Variants in RPS6KA5 observed in about 807,000 individuals in gnomAD.
RPS6KA5 encodes the protein ribosomal protein S6 kinase A5.
A neutral mutation model predicts 85.5 loss-of-function variants in RPS6KA5; 27 were observed. That is an observed-to-expected ratio of 0.32 (90% CI 0.23 to 0.44). The LOEUF (loss-of-function observed/expected upper bound fraction) is 0.44, where lower values mean the gene tolerates loss of function less well. RPS6KA5 is among the 20% of genes least tolerant of loss of function. The pLI is 1.00. For missense variants in RPS6KA5, 811 were observed against 980.9 expected (o/e 0.83, Z 2.31); for synonymous variants, 334 against 348.2 (o/e 0.96, Z 0.46).
At chr14:91,003,725 T>C (rs903747465) in intron 1 of RPS6KA5, among the ~76,000 whole-genome samples, 3 of 152,220 alleles carry the variant, frequency 2.0e-5, no homozygotes, top group Admixed American at 2.0e-4. Flanking sequence ...AGGTGGCTGG[T>C]AGGTAAGGCA....
intron 3 of RPS6KA5, among the ~76,000 whole-genome samples, chr14:90,951,287 T>G (rs2038170812): frequency 6.6e-6 from 1 of 151,564 alleles, no homozygotes. Flanking sequence ...ATCGAGACCA[T>G]CCTGGCTAAC....
intron 7 of RPS6KA5, among the ~76,000 whole-genome samples, chr14:90,912,519 T>C (rs2035882684): frequency 6.6e-6 from 1 of 152,226 alleles, no homozygotes; most frequent in Non-Finnish European, 1.5e-5. Context: ...ATGCTACCAC[T>C]TATTTTTCAG....
At position 90,998,007 on chromosome 14, in the gene RPS6KA5, G is replaced by GAAA. The variant is rs58227226; in HGVS notation, c.175+3078_175+3080dup. Among the ~76,000 whole-genome samples, 49 of 59,872 alleles carry GAAA rather than the reference G, an allele frequency of 8.2e-4. 3 individuals carry two copies. The highest frequency in any genetic ancestry group is 1.2e-3 in the Non-Finnish European group (38 of 32,932). The allele number at this position is 59,872 out of a possible 152,430, so 39.3% of individuals were successfully genotyped here. A position where few individuals can be genotyped will look rare whatever the true frequency, so the allele number is the denominator to read the frequency against. On this transcript the variant is annotated intron_variant, in intron 2 of 16. Transcript: ENST00000614987. ...TGGGTGGCACAGCGAGACTCTGTCT[G>GAAA]AAAAAAAAAAAAAAAAAAAAAAAGT...
intron 1 of RPS6KA5, among the ~76,000 whole-genome samples, chr14:91,058,952 T>C (rs2043461519): frequency 6.6e-6 from 1 of 152,234 alleles, no homozygotes; most frequent in Non-Finnish European, 1.5e-5. Context: ...CAGAGCTAAC[T>C]TTCCAATCTG....
At position 90,861,536 on chromosome 14, in the gene RPS6KA5, A is replaced by T. The variant is rs2032552758; in HGVS notation, c.*10538T>A. ...GACTCTGTCTCAAAAAAAAAAAAAT[A>T]ATGTCTTATGAAGTCTAAAACACAT... On this transcript the variant is annotated 3_prime_UTR_variant, in exon 17 of 17. Coordinates refer to ENST00000614987, the MANE Select transcript of RPS6KA5 (RefSeq NM_004755.4). 1 of 149,486 alleles carries T rather than the reference A, an allele frequency of 6.7e-6. No homozygotes were observed. The highest frequency in any genetic ancestry group is 1.5e-5 in the Non-Finnish European group (1 of 67,132). The allele number at this position is 149,486 out of a possible 1,614,324, so 9.3% of individuals were successfully genotyped here.
At chr14:90,919,502 G>A (rs2036287725) in intron 7 of RPS6KA5, among the ~76,000 whole-genome samples, 1 of 152,002 alleles carries the variant, frequency 6.6e-6, no homozygotes, top group South Asian at 2.1e-4. Context: ...GTAAAAACAG[G>A]ACAAAAACAT....
At chr14:91,020,808 T>A (rs1231117179) in intron 1 of RPS6KA5, among the ~76,000 whole-genome samples, 1 of 152,136 alleles carries the variant, frequency 6.6e-6, no homozygotes, top group East Asian at 1.9e-4. Flanking sequence ...TTAGGTCTCA[T>A]TTCATCTGGA....
intron 1 of RPS6KA5, among the ~76,000 whole-genome samples, chr14:91,031,232 C>G (rs1395156487): frequency 6.6e-6 from 1 of 152,036 alleles, no homozygotes; most frequent in East Asian, 1.9e-4. Context: ...TTCAAAATCC[C>G]AAGTAACAAT....
intron 15 of RPS6KA5, among the ~76,000 whole-genome samples, chr14:90,874,450 G>A (rs1458265037): frequency 6.6e-6 from 1 of 152,160 alleles, no homozygotes; most frequent in Non-Finnish European, 1.5e-5. Context: ...CATATCTGAG[G>A]AATTCAAATA....
intron 3 of RPS6KA5, among the ~76,000 whole-genome samples, chr14:90,974,647 G>A (rs1467980075): frequency 1.3e-5 from 2 of 152,290 alleles, no homozygotes; most frequent in African/African-American, 2.4e-5. Context: ...CTGATCTACT[G>A]TACTGGAGGA....
intron 14 of RPS6KA5, among the ~76,000 whole-genome samples, chr14:90,875,606 T>C (rs2033408571): frequency 6.6e-6 from 1 of 152,050 alleles, no homozygotes; most frequent in African/African-American, 2.4e-5. Context: ...TGCACACGTA[T>C]GTTTATTGCG....
At chr14:90,895,468 A>C (rs1224474130) in intron 12 of RPS6KA5, among the ~76,000 whole-genome samples, 3 of 152,226 alleles carry the variant, frequency 2.0e-5, no homozygotes, top group Admixed American at 6.5e-5. Context: ...CCCATAACTC[A>C]CTATGGGTTT....
intron 14 of RPS6KA5, among the ~76,000 whole-genome samples, chr14:90,887,208 G>T (rs900094806): frequency 6.6e-6 from 1 of 152,090 alleles, no homozygotes; most frequent in Non-Finnish European, 1.5e-5. Context: ...TGGAGACAGG[G>T]TCTTGCTCTG....
chr14:90,892,328 T>C (rs1219371971), intron 13 of RPS6KA5, among the ~76,000 whole-genome samples: 5 of 152,132 alleles, frequency 3.3e-5, no homozygotes. Flanking sequence ...GCAGAAGAAG[T>C]GAGAGGATGT....
chr14:91,015,376 TA>T lies in RPS6KA5; in HGVS notation c.104-14218del, dbSNP rs1052507035. 3.9e-3 allele frequency among the ~76,000 whole-genome samples: 582 copies of T among 150,728 alleles called. 4 individuals are homozygous for T. The highest frequency in any genetic ancestry group is 0.013 in the African/African-American group (541 of 41,174). On this transcript the variant is annotated intron_variant, in intron 1 of 16. Transcript: ENST00000614987. ...AAAAATTTGATAACTTGTGAATGAT[TA>T]AAAAAAAAATTAAACCATTACAGCA...
chr14:90,947,497 T>C lies in RPS6KA5; in HGVS notation c.448A>G (p.Thr150Ala), dbSNP rs1481994077. ...ACATAAATCTGCACCTCATGCTCTG[T>C]GAAACGCTCTCTTTGAGAAAGATGA... ...FTHLSQRERF[T>A]EHEVQIYVGE... Residue 150 changes from threonine to alanine, a missense_variant, in exon 4 of 17, where the codon ACA (threonine) becomes GCA (alanine). Around this residue, in one of 3 missense-constraint regions of RPS6KA5, gnomAD observed 48 missense variants for 87.6 expected, o/e 0.55. Coordinates refer to ENST00000614987, the MANE Select transcript of RPS6KA5 (RefSeq NM_004755.4). 6.2e-7 allele frequency: 1 copy of C among 1,612,912 alleles called. No homozygotes were observed. Among genetic ancestry groups the C allele is most frequent in the Non-Finnish European group, 8.5e-7 (1 of 1,179,072 alleles).
chr14:90,886,722 GT>G (rs2034250953), intron 14 of RPS6KA5, among the ~76,000 whole-genome samples: 1 of 152,200 alleles, frequency 6.6e-6, no homozygotes, highest in Admixed American at 6.5e-5. Context: ...ATAAATTTCT[GT>G]TGTTCAAGCT....
rs1271460469 is a variant in RPS6KA5, at chr14:90,873,815, T to A, written c.1997-20A>T. On this transcript the variant is annotated intron_variant, in intron 15 of 16. Coordinates refer to ENST00000614987, the MANE Select transcript of RPS6KA5 (RefSeq NM_004755.4). ...GAAGTCCTTTGGGAATAGATATTTT[T>A]ATTTTATGATTTGTCATTTTAAACA... 1 of 1,597,880 alleles carries A rather than the reference T, an allele frequency of 6.3e-7. No homozygotes were observed. Among genetic ancestry groups the A allele is most frequent in the Admixed American group, 1.7e-5 (1 of 58,004 alleles).
At chr14:90,935,475 T>C (rs908915845) in intron 5 of RPS6KA5, among the ~76,000 whole-genome samples, 3 of 152,218 alleles carry the variant, frequency 2.0e-5, no homozygotes, top group African/African-American at 7.2e-5. Flanking sequence ...AAATTAGGTA[T>C]GATAAATATT....
Sources: allele counts gnomAD v4.1 joint callset (sites outside exome capture counted in the v4.1 genomes callset), GRCh38; gene constraint gnomAD v4.1.1; regional missense constraint gnomAD v4.1.1; transcripts MANE v1.5; gene names NCBI Gene and HGNC (gene_info 2026-07-23, HGNC 2026-07-21).